Variants in GLRA3 observed in about 807,000 individuals in gnomAD.
GLRA3 encodes glycine receptor subunit alpha-3.
A neutral mutation model predicts 60.4 loss-of-function variants in GLRA3; 44 were observed. That is an observed-to-expected ratio of 0.73 (90% CI 0.57 to 0.94). The LOEUF is 0.94. GLRA3 is among the 40% of genes least tolerant of loss of function. The probability of loss-of-function intolerance (pLI) is 0.00; values close to 1 mark genes in which losing one functional copy is unlikely to be tolerated. For missense variants in GLRA3, 508 were observed against 564.6 expected, an observed-to-expected ratio of 0.90 and a Z score of 1.02; for synonymous variants, 223 against 192.9, an observed-to-expected ratio of 1.16 and a Z score of -1.29.
rs1201080443 is a variant in GLRA3, at chr4:174,640,340, A to G, written c.*3446T>C. 6.6e-6 allele frequency: 1 copy of G among 151,974 alleles called. No homozygotes were observed. The highest frequency in any genetic ancestry group is 1.5e-5 in the Non-Finnish European group (1 of 67,946). 9.4% of individuals were successfully genotyped at this position (151,974 alleles called of 1,614,324 possible). The stretch of plus-strand genomic sequence containing the variant: ...AATACTGCAAGTATTTTCCATTTCA[A>G]TTTTGGCAAGTCTCTTGTATTCTCT... On this transcript the variant is annotated 3_prime_UTR_variant, in exon 10 of 10. Transcript: ENST00000274093.
At chr4:174,683,452 G>A (rs1401429181) in intron 5 of GLRA3, among the ~76,000 whole-genome samples, 2 of 152,116 alleles carry the variant, frequency 1.3e-5, no homozygotes, top group East Asian at 3.9e-4. Flanking sequence ...CTGGGTTCAA[G>A]TGATTCTTGT....
chr4:174,729,703 G>T (rs1489311380), intron 3 of GLRA3, among the ~76,000 whole-genome samples: 1 of 152,136 alleles, frequency 6.6e-6, no homozygotes, highest in Non-Finnish European at 1.5e-5. Flanking sequence ...TTTTTGAAAT[G>T]AGCCAATAAA....
intron 5 of GLRA3, among the ~76,000 whole-genome samples, chr4:174,693,026 T>G (rs1402661253): frequency 6.6e-6 from 1 of 152,172 alleles, no homozygotes; most frequent in East Asian, 1.9e-4. Flanking sequence ...TATTGTAAAT[T>G]TGTTCAAATT....
intron 7 of GLRA3, among the ~76,000 whole-genome samples, chr4:174,672,661 C>T (rs963275489): frequency 6.6e-6 from 1 of 152,120 alleles, no homozygotes; most frequent in African/African-American, 2.4e-5. Flanking sequence ...CCCACTCGAA[C>T]AGCCAATCTC....
intron 5 of GLRA3, among the ~76,000 whole-genome samples, chr4:174,709,059 T>C (rs768254854): frequency 2.6e-5 from 4 of 152,042 alleles, no homozygotes; most frequent in African/African-American, 9.7e-5. Flanking sequence ...ATTGCATTTA[T>C]GTAAAAATGT....
intron 2 of GLRA3, among the ~76,000 whole-genome samples, chr4:174,787,836 C>A (rs909048228): frequency 1.3e-5 from 2 of 151,986 alleles, no homozygotes; most frequent in Admixed American, 1.3e-4. Flanking sequence ...AAAATTGAAG[C>A]CATTCATAAT....
chr4:174,814,013 TG>T (rs1193614244), intron 1 of GLRA3, among the ~76,000 whole-genome samples: 3 of 152,186 alleles, frequency 2.0e-5, no homozygotes, highest in Non-Finnish European at 4.4e-5. Flanking sequence ...CAAAGGCTTC[TG>T]GGCGCTGGCA....
At chr4:174,703,377 C>T (rs1271946134) in intron 5 of GLRA3, among the ~76,000 whole-genome samples, 1 of 152,126 alleles carries the variant, frequency 6.6e-6, no homozygotes, top group African/African-American at 2.4e-5. Context: ...CTAAAGTCCA[C>T]CTCACTCATT....
At chr4:174,768,596 TG>T (rs1214465059) in intron 2 of GLRA3, among the ~76,000 whole-genome samples, 7 of 152,080 alleles carry the variant, frequency 4.6e-5, no homozygotes, top group African/African-American at 1.4e-4. Flanking sequence ...GAGCAGAAAT[TG>T]GTAAATTGTT....
intron 5 of GLRA3, among the ~76,000 whole-genome samples, chr4:174,706,860 G>A (rs182858812): frequency 2.0e-4 from 31 of 152,146 alleles, no homozygotes; most frequent in Admixed American, 5.2e-4. Flanking sequence ...TTAAAGGAGC[G>A]TAACACCAAA....
At chr4:174,752,064 C>T (rs569852343) in intron 3 of GLRA3, among the ~76,000 whole-genome samples, 3 of 151,982 alleles carry the variant, frequency 2.0e-5, no homozygotes, top group Non-Finnish European at 4.4e-5. Context: ...TCATCTTAAT[C>T]TTATAGTGCA....
rs1049711895 is a variant in GLRA3 at position 174,681,180 on chromosome 4, C to A, written c.712+1622G>T. Among the ~76,000 whole-genome samples the A allele has an allele frequency of 2.0e-5, 3 of 152,154 alleles. No individual in the cohort carries two copies. The East Asian group carries it at 5.8e-4, about 29-fold the overall frequency. On this transcript the variant is annotated intron_variant, in intron 6 of 9. Transcript: ENST00000274093. ...TAGTAGGCATTCATAAATGTAAGTTCTTTTCCTTTAAGCTGTAATAGCTCA... is the reference window on the plus strand; with the variant it reads ...TAGTAGGCATTCATAAATGTAAGTTATTTTCCTTTAAGCTGTAATAGCTCA...
intron 3 of GLRA3, among the ~76,000 whole-genome samples, chr4:174,758,444 G>A (rs73871014): frequency 0.056 from 8,513 of 152,124 alleles, 292 homozygotes; most frequent in African/African-American, 0.083. Flanking sequence ...ACCCAATTGA[G>A]AGACATTCTA....
In GLRA3 at chr4:174,692,481, G is replaced by GT. The variant is rs1287789933; in HGVS notation, c.575-9543dup. 4.0e-4 allele frequency among the ~76,000 whole-genome samples: 61 copies of GT among 151,088 alleles called. 4 individuals are homozygous for GT. The highest frequency in any genetic ancestry group is 2.7e-3 in the Admixed American group (41 of 15,162). On this transcript the variant is annotated intron_variant, in intron 5 of 9. Transcript: ENST00000274093. ...AGAACGGGCCATGATGACAATGGCG[G>GT]TTTTGTGGAATAGAAAGGGGGGAAA...
intron 4 of GLRA3, among the ~76,000 whole-genome samples, chr4:174,722,213 C>G (rs1223626544): frequency 6.6e-5 from 10 of 152,014 alleles, no homozygotes; most frequent in Admixed American, 5.9e-4. Flanking sequence ...AGCAGTTGTG[C>G]CTGAAACCCC....
At chr4:174,772,226 G>C (rs1220258553) in intron 2 of GLRA3, among the ~76,000 whole-genome samples, 2 of 152,118 alleles carry the variant, frequency 1.3e-5, no homozygotes, top group African/African-American at 2.4e-5. Flanking sequence ...GGATCATAAT[G>C]CCTCATTGTA....
chr4:174,660,043 T>C (rs1011583748), intron 7 of GLRA3, among the ~76,000 whole-genome samples: 10 of 151,898 alleles, frequency 6.6e-5, no homozygotes, highest in African/African-American at 2.4e-4. Context: ...TTTATTGTTG[T>C]GTGTGTATGT....
At chr4:174,732,215 T>C (rs995760642) in intron 3 of GLRA3, among the ~76,000 whole-genome samples, 26 of 151,614 alleles carry the variant, frequency 1.7e-4, no homozygotes, top group Admixed American at 7.2e-4. Flanking sequence ...ATTAGCTGGG[T>C]GTGGTGGCGT....
At chr4:174,780,142 G>C (rs1402687873) in intron 2 of GLRA3, among the ~76,000 whole-genome samples, 2 of 149,038 alleles carry the variant, frequency 1.3e-5, no homozygotes, top group African/African-American at 5.0e-5. Flanking sequence ...AGCCAGAAGA[G>C]AGTGGGGGCC....
Sources: gnomAD v4.1 joint callset for allele counts (sites outside exome capture counted in the v4.1 genomes callset) on GRCh38, gnomAD v4.1.1 for gene constraint, MANE v1.5 for transcripts, NCBI Gene and HGNC (gene_info 2026-07-23, HGNC 2026-07-21) for gene names.